The following EFCAB8 variants were observed in gnomAD, a reference collection of about 807,000 sequenced individuals.
The protein encoded by EFCAB8 is EF-hand calcium binding domain 8, also known as EF-hand calcium-binding domain-containing protein 8.
Under a neutral mutation model 116.3 loss-of-function variants are expected in EFCAB8, and 100 were observed. The ratio of observed to expected loss-of-function variants is 0.86; its 90% confidence interval spans 0.73 to 1.02. The LOEUF (loss-of-function observed/expected upper bound fraction) is 1.02, where lower values mean the gene tolerates loss of function less well. Ranked by LOEUF, EFCAB8 falls within the 50% of genes least tolerant of loss-of-function variation. The pLI, the probability that EFCAB8 is intolerant of heterozygous loss-of-function variation, is 0.00. For missense variants in EFCAB8, 1,320 were observed against 1,416.9 expected (o/e 0.93, Z 1.10); for synonymous variants, 558 against 567.9 (o/e 0.98, Z 0.25).
chr20:32,885,944 C>G (rs1985603735), intron 6 of EFCAB8, among the ~76,000 whole-genome samples: 1 of 152,218 alleles, frequency 6.6e-6, no homozygotes, highest in Non-Finnish European at 1.5e-5. Flanking sequence ...TCTTGCGTCC[C>G]CATCTCAGTG....
rs57620114 is a variant in EFCAB8 at position 32,875,502 on chromosome 20, G to GTTTTTTTTTTTTTTTTTTTTTTTTTTTT, written c.209-406_209-405insTTTTTTTTTTTTTTTTTTTTTTTTTTTT. The stretch of plus-strand genomic sequence containing the variant: ...CTGAGCACACCTGGTAAACATGGTG[G>GTTTTTTTTTTTTTTTTTTTTTTTTTTTT]TTTTTTTTTTTTTTTTTTGAGACAG... On this transcript the variant is annotated intron_variant, in intron 3 of 26. Transcript: ENST00000400522. Among the ~76,000 whole-genome samples the GTTTTTTTTTTTTTTTTTTTTTTTTTTTT allele has an allele frequency of 3.9e-4, 35 of 89,892 alleles. 5 individuals are homozygous for GTTTTTTTTTTTTTTTTTTTTTTTTTTTT. Among genetic ancestry groups the GTTTTTTTTTTTTTTTTTTTTTTTTTTTT allele is most frequent in the Non-Finnish European group, 5.2e-4 (20 of 38,730 alleles). 59.0% of individuals were successfully genotyped at this position (89,892 alleles called of 152,430 possible). A position where few individuals can be genotyped will look rare whatever the true frequency, so the allele number is the denominator to read the frequency against.
chr20:32,918,353 T>C lies in EFCAB8; in HGVS notation c.2062-9T>C, dbSNP rs970862698. ...CAGTGCCTTAGGGGCTGCTTTCTTC[T>C]TGGTACAGGTGCAAGATGTGAACAA... is the stretch of plus-strand genomic sequence containing the variant. On this transcript the variant is annotated splice_polypyrimidine_tract_variant and intron_variant, in intron 18 of 26. Coordinates refer to ENST00000400522, the MANE Select transcript of EFCAB8 (RefSeq NM_001143967.2). 1 of 1,551,710 alleles carries C rather than the reference T, an allele frequency of 6.4e-7. No homozygotes were observed. Among genetic ancestry groups the C allele is most frequent in the Non-Finnish European group, 8.7e-7 (1 of 1,146,976 alleles).
At chr20:32,942,265 T>C (rs1988431105) in intron 22 of EFCAB8, among the ~76,000 whole-genome samples, 1 of 152,222 alleles carries the variant, frequency 6.6e-6, no homozygotes, top group Non-Finnish European at 1.5e-5. Flanking sequence ...GATGCCTTTG[T>C]TTATTAGTGA....
At chr20:32,948,750 T>A (rs2146297536) in intron 23 of EFCAB8, among the ~76,000 whole-genome samples, 2 of 152,302 alleles carry the variant, frequency 1.3e-5, no homozygotes, top group South Asian at 4.1e-4. Flanking sequence ...ATTATATTAA[T>A]AAAGTGAAAA....
Position 32,930,497 on chromosome 20 carries a change from G to A in EFCAB8, c.2512G>A (p.Gly838Arg), listed in dbSNP as rs1466454306. The change falls in exon 21 of 27, where the codon GGA (glycine) becomes AGA (arginine). Residue 838 changes from glycine to arginine, a missense_variant. Physicochemically the swap from Gly to Arg is moderately radical, Grantham distance 125 (BLOSUM62 -2). Transcript: ENST00000400522. ...CTACGCCTGGTCCCTCCATGAGAAT[G>A]GAGGCCTGCTGGGGAAGTTCCCTGT... ...YIYAWSLHEN[G>R]GLLGKFPVDL... 6.4e-7 allele frequency: 1 copy of A among 1,552,038 alleles called. No homozygotes were observed. Among genetic ancestry groups the A allele is most frequent in the African/African-American group, 1.4e-5 (1 of 73,056 alleles).
intron 23 of EFCAB8, among the ~76,000 whole-genome samples, chr20:32,948,304 C>A (rs1988670530): frequency 3.3e-5 from 5 of 152,076 alleles, no homozygotes; most frequent in Admixed American, 3.3e-4. Context: ...CCCGAATATC[C>A]TTATATCAAA....
intron 11 of EFCAB8, among the ~76,000 whole-genome samples, chr20:32,901,223 T>C (rs974605020): frequency 4.6e-5 from 7 of 152,216 alleles, no homozygotes; most frequent in African/African-American, 1.7e-4. Flanking sequence ...TTAGTGTATA[T>C]TGGGGTGTCC....
At chr20:32,909,525 C>T (rs536126891) in intron 14 of EFCAB8, among the ~76,000 whole-genome samples, 1 of 152,160 alleles carries the variant, frequency 6.6e-6, no homozygotes, top group African/African-American at 2.4e-5. Flanking sequence ...GGAGGGAACA[C>T]CTGATTGAGG....
At chr20:32,960,455 A>G (rs1427682568) in intron 26 of EFCAB8, among the ~76,000 whole-genome samples, 2 of 152,160 alleles carry the variant, frequency 1.3e-5, no homozygotes, top group African/African-American at 4.8e-5. Context: ...GCCTCCAAGC[A>G]TTTCCTATGG....
chr20:32,920,610 G>T (rs1294695386), intron 20 of EFCAB8, among the ~76,000 whole-genome samples: 2 of 152,244 alleles, frequency 1.3e-5, no homozygotes, highest in East Asian at 1.9e-4. Context: ...ATCAGATCTC[G>T]CTGAGACTTG....
intron 13 of EFCAB8, 33 bp from the exon 14 acceptor site, chr20:32,908,242 T>A: frequency 3.2e-6 from 4 of 1,249,220 alleles, no homozygotes; most frequent in Non-Finnish European, 4.0e-6. Context: ...CCGAGACCCA[T>A]GCTCAGCGTC....
intron 22 of EFCAB8, among the ~76,000 whole-genome samples, chr20:32,940,034 T>TTCCTTCCC (rs1988353048): frequency 2.8e-5 from 1 of 36,034 alleles, no homozygotes; most frequent in Non-Finnish European, 5.2e-5. Flanking sequence ...CCTTCCTTCC[T>TTCCTTCCC]TCCTTCCTTC....
chr20:32,909,297 A>C (rs1004163843), intron 14 of EFCAB8, among the ~76,000 whole-genome samples: 4 of 152,208 alleles, frequency 2.6e-5, no homozygotes, highest in African/African-American at 9.7e-5. Context: ...TTTGAAGTTC[A>C]TTTCAGAGCA....
chr20:32,905,219 A>G (rs1208821745), intron 11 of EFCAB8, among the ~76,000 whole-genome samples: 20 of 152,024 alleles, frequency 1.3e-4, no homozygotes, highest in Admixed American at 6.5e-5. Context: ...TTTTTTCTTC[A>G]CCCATTGTAA....
chr20:32,898,022 G>A (rs1986245824), intron 10 of EFCAB8, among the ~76,000 whole-genome samples: 1 of 152,188 alleles, frequency 6.6e-6, no homozygotes, highest in African/African-American at 2.4e-5. Context: ...CATCTTTTGT[G>A]GTTCAAGTTG....
At chr20:32,924,937 G>A (rs1199592949) in intron 20 of EFCAB8, among the ~76,000 whole-genome samples, 1 of 152,110 alleles carries the variant, frequency 6.6e-6, no homozygotes, top group Non-Finnish European at 1.5e-5. Context: ...GGGCACTTGT[G>A]GGCACAGTGA....
intron 23 of EFCAB8, among the ~76,000 whole-genome samples, chr20:32,955,183 A>G (rs1988925679): frequency 6.6e-6 from 1 of 152,178 alleles, no homozygotes. Context: ...ATCTTATCCT[A>G]GCTGGCCATT....
At chr20:32,918,639 C>CTG (rs530644740) in intron 19 of EFCAB8, 65 bp downstream of exon 19, 1 of 1,445,016 alleles carries the variant, frequency 6.9e-7, no homozygotes, top group Non-Finnish European at 9.5e-7. Flanking sequence ...CACACACCGT[C>CTG]TGTGTGTGTG....
intron 4 of EFCAB8, among the ~76,000 whole-genome samples, 162 bp from the exon 5 acceptor site, chr20:32,878,542 G>A (rs1487745240): frequency 7.9e-6 from 1 of 126,586 alleles, no homozygotes; most frequent in East Asian, 2.1e-4. Context: ...ACGGAGTCTC[G>A]CTCTGTCGCC....
Sources: allele counts gnomAD v4.1 joint callset (sites outside exome capture counted in the v4.1 genomes callset), GRCh38; gene constraint gnomAD v4.1.1; transcripts MANE v1.5; gene names NCBI Gene and HGNC (gene_info 2026-07-23, HGNC 2026-07-21).